HDAC4: variants seen among roughly 807,000 people sequenced by gnomAD.
HDAC4 encodes the protein histone deacetylase A.
In HDAC4, 16 loss-of-function variants were observed where a neutral mutation model predicts 135.1. The observed-to-expected ratio is 0.12, with a 90% CI of 0.08 to 0.18. HDAC4 has a LOEUF of 0.18. Ranked by LOEUF, HDAC4 falls within the 10% of genes least tolerant of loss-of-function variation. The pLI is 1.00. For synonymous variants in HDAC4, 685 were observed against 653.4 expected (o/e 1.05, Z -0.74); for missense variants, 1,143 against 1,511.8 (o/e 0.76, Z 4.05).
At chr2:239,074,052 T>C (rs1203977960) in intron 22 of HDAC4, among the ~76,000 whole-genome samples, 1 of 142,850 alleles carries the variant, frequency 7.0e-6, no homozygotes, top group Admixed American at 6.9e-5. Context: ...GCAGCAGGAC[T>C]GAGTGGGGAA....
At position 239,308,602 on chromosome 2, in the gene HDAC4, T is replaced by G. The variant is rs1290286405; in HGVS notation, c.22+44076A>C. 6.6e-6 allele frequency among the ~76,000 whole-genome samples: 1 copy of G among 152,218 alleles called. No individual in the cohort carries two copies. Among genetic ancestry groups the G allele is most frequent in the Non-Finnish European group, 1.5e-5 (1 of 68,036 alleles). ...TTCGTATCCAGGTGAGCTCGTTTTT[T>G]GTATTTCAAAAGCACAAAGATCTAT... On this transcript the variant is annotated intron_variant, in intron 2 of 26. Transcript: ENST00000543185. The surrounding 1 kb of genome is among the most constrained non-coding windows in gnomAD (Gnocchi z 4.2).
intron 1 of HDAC4, among the ~76,000 whole-genome samples, chr2:239,366,183 G>A (rs919486963): frequency 7.2e-5 from 10 of 138,812 alleles, no homozygotes; most frequent in Non-Finnish European, 1.5e-4. Flanking sequence ...GTGGCACTAT[G>A]TGACACATAC....
rs149230665 is a variant in HDAC4, at chr2:239,084,221, G to C, written c.2466C>G (p.Ser822=). The change falls in exon 20 of 27, where the codon TCC becomes TCG. Residue 822 remains serine (S), a synonymous_variant. Transcript: ENST00000543185. The part of the protein sequence containing the change: ...STPMGFCYFN[S]VAVAAKLLQQ... ...GCAGAAGCTTGGCTGCCACGGCCAC[G>C]GAGTTGAAGTAGCAAAAGCCCCTGC... is the stretch of plus-strand genomic sequence containing the variant. 3.1e-6 allele frequency: 5 copies of C among 1,612,638 alleles called. No homozygotes were observed. The Admixed American group carries it at 5.0e-5, about 16-fold the overall frequency.
At position 239,139,698 on chromosome 2, in the gene HDAC4, T is replaced by G. The variant is rs2041221305; in HGVS notation, c.964A>C (p.Ser322Arg). 6.2e-7 allele frequency: 1 copy of G among 1,613,858 alleles called. No individual in the cohort carries two copies. Among genetic ancestry groups the G allele is most frequent in the Non-Finnish European group, 8.5e-7 (1 of 1,179,886 alleles). The change falls in exon 9 of 27, where the codon AGC becomes CGC. Residue 322 changes from serine to arginine, a missense_variant. Ser to Arg is a moderately radical substitution (Grantham distance 110). Coordinates refer to ENST00000543185, the MANE Select transcript of HDAC4 (RefSeq NM_001378414.1). This position sits in a 1 kb window ranked among gnomAD's most constrained non-coding sequence, Gnocchi z 5.3. Reference protein sequence around the residue: ...AENGIAPAVPSIPAETSLAHR... With the variant: ...AENGIAPAVPRIPAETSLAHR... The stretch of plus-strand genomic sequence containing the variant: ...TTCGCACTGACCTCCGCCGGGATGC[T>G]GGGGACGGCGGGCGCGATACCGTTC...
rs558190217 is a variant in HDAC4, at chr2:239,048,865, C to G, written c.*4232G>C. Reference sequence around the variant, plus strand: ...AAGTGAAATCTTAGCCATACATCACCTAAAAGTAATTAAAAAGTCAACACA... The same window carrying G: ...AAGTGAAATCTTAGCCATACATCACGTAAAAGTAATTAAAAAGTCAACACA... On this transcript the variant is annotated 3_prime_UTR_variant, in exon 27 of 27. Transcript: ENST00000543185. The G allele has an allele frequency of 6.6e-6, 1 of 152,344 alleles. No individual in the cohort carries two copies. The highest frequency in any genetic ancestry group is 2.1e-4 in the South Asian group (1 of 4,830). The allele number at this position is 152,344 out of a possible 1,614,324, so 9.4% of individuals were successfully genotyped here.
intron 6 of HDAC4, among the ~76,000 whole-genome samples, chr2:239,161,104 G>T (rs759668965): frequency 1.3e-5 from 2 of 152,138 alleles, no homozygotes; most frequent in African/African-American, 4.8e-5. Flanking sequence ...TGAGGTACCT[G>T]TTCAAACCTT....
In HDAC4 at chr2:239,236,789, A is replaced by AG. The variant is rs1305909881; in HGVS notation, c.23-126dup. 8.1e-6 allele frequency: 6 copies of AG among 742,110 alleles called. No homozygotes were observed. The East Asian group carries it at 1.6e-4, about 20-fold the overall frequency. The allele number at this position is 742,110 out of a possible 1,614,324, so 46.0% of individuals were successfully genotyped here. On this transcript the variant is annotated intron_variant, in intron 2 of 26. Transcript: ENST00000543185. ...ATGCATGTGTCCTTCCTACTTTTAC[A>AG]GGGGGACACTTTCAGCTTCATCATA... is the stretch of plus-strand genomic sequence containing the variant.
At chr2:239,150,111 C>A (rs2042015846) in intron 7 of HDAC4, among the ~76,000 whole-genome samples, 1 of 151,982 alleles carries the variant, frequency 6.6e-6, no homozygotes, top group Admixed American at 6.6e-5. Flanking sequence ...TAATGGCCAC[C>A]ATATAATATT....
rs3791456 is a variant in HDAC4 at position 239,128,832 on chromosome 2, C to T, written c.1295-2138G>A. On this transcript the variant is annotated intron_variant, in intron 11 of 26. Coordinates refer to ENST00000543185, the MANE Select transcript of HDAC4 (RefSeq NM_001378414.1). ...TGACCCTCTGCAGAGGAGAAGGACA[C>T]GCCAACTTCATAGGATTCAGCTTCC... Among the ~76,000 whole-genome samples, 608 of 152,278 alleles carry T rather than the reference C, an allele frequency of 4.0e-3. 20 individuals are homozygous for T. In the East Asian group the frequency reaches 0.065, roughly 16 times the overall value.
chr2:239,119,425 C>A (rs771678890), intron 12 of HDAC4, among the ~76,000 whole-genome samples: 10 of 152,214 alleles, frequency 6.6e-5, no homozygotes, highest in Admixed American at 5.2e-4. Context: ...GATGAGGAGA[C>A]AGGGCTCAGA....
chr2:239,154,717 T>C (rs1316304448), intron 7 of HDAC4: 1 of 152,158 alleles, frequency 6.6e-6, no homozygotes, highest in Non-Finnish European at 1.5e-5. Flanking sequence ...CCACAGATTC[T>C]CTCCTGATAC....
chr2:239,243,361 C>G (rs943859737), intron 2 of HDAC4, among the ~76,000 whole-genome samples: 1 of 152,098 alleles, frequency 6.6e-6, no homozygotes, highest in African/African-American at 2.4e-5. Context: ...ACCATGTTAG[C>G]CAGGATGGTC....
chr2:239,259,734 T>C (rs2049244174), intron 2 of HDAC4, among the ~76,000 whole-genome samples: 2 of 152,170 alleles, frequency 1.3e-5, no homozygotes, highest in Non-Finnish European at 2.9e-5. Flanking sequence ...CCTGGTTGTT[T>C]AAAAAGACTA....
Position 239,092,303 on chromosome 2 carries a change from C to A in HDAC4, c.2281-2187G>T, listed in dbSNP as rs139799087. On this transcript the variant is annotated intron_variant, in intron 17 of 26. Coordinates refer to ENST00000543185, the MANE Select transcript of HDAC4 (RefSeq NM_001378414.1). ...TCGCAGGAGTGAGAGCTGGGCAGGG[C>A]AAGATTCTGCCACCTGCTCTGTGTC... Among the ~76,000 whole-genome samples the A allele has an allele frequency of 9.9e-3, 1,503 of 151,590 alleles. 14 individuals carry two copies. Among genetic ancestry groups the A allele is most frequent in the Middle Eastern group, 0.028 (8 of 286 alleles).
At chr2:239,155,241 C>G (rs6732638) in intron 7 of HDAC4, among the ~76,000 whole-genome samples, 1 of 150,868 alleles carries the variant, frequency 6.6e-6, no homozygotes, top group South Asian at 2.1e-4. Flanking sequence ...AATAGGTGTA[C>G]TGGGAACATG....
chr2:239,178,017 G>A (rs754663961), intron 4 of HDAC4, among the ~76,000 whole-genome samples: 30 of 152,178 alleles, frequency 2.0e-4, no homozygotes, highest in Admixed American at 9.2e-4. Context: ...GCTCCCGCAC[G>A]TCCTTCCGCT....
intron 2 of HDAC4, among the ~76,000 whole-genome samples, chr2:239,296,046 C>T (rs2051868153): frequency 6.6e-6 from 1 of 152,208 alleles, no homozygotes; most frequent in Non-Finnish European, 1.5e-5. Flanking sequence ...TGCTATCACG[C>T]CCATTTTACA....
intron 2 of HDAC4, among the ~76,000 whole-genome samples, chr2:239,251,952 C>A (rs2048806465): frequency 6.6e-6 from 1 of 152,174 alleles, no homozygotes; most frequent in African/African-American, 2.4e-5. Context: ...TATCACTATT[C>A]CTTTTTATAC....
chr2:239,377,648 C>T (rs1426351134), intron 1 of HDAC4, among the ~76,000 whole-genome samples: 1 of 152,228 alleles, frequency 6.6e-6, no homozygotes, highest in Non-Finnish European at 1.5e-5. Context: ...GCCCCAGGGC[C>T]ACAGTCTCAC....
Sources: allele counts gnomAD v4.1 joint callset (sites outside exome capture counted in the v4.1 genomes callset), GRCh38; gene constraint gnomAD v4.1.1; non-coding constraint Gnocchi (gnomAD v3.1); transcripts MANE v1.5; gene names NCBI Gene and HGNC (gene_info 2026-07-23, HGNC 2026-07-21).